RNF10: variants seen among roughly 807,000 people sequenced by gnomAD.
RNF10 encodes ring finger protein 10, also known as E3 ubiquitin-protein ligase RNF10.
A neutral mutation model predicts 91.4 loss-of-function variants in RNF10; 38 were observed. The observed-to-expected ratio is 0.42, with a 90% CI of 0.32 to 0.54. The LOEUF (loss-of-function observed/expected upper bound fraction) is 0.54. Ranked by LOEUF, RNF10 falls within the 20% of genes least tolerant of loss-of-function variation. The pLI is 0.16. For missense variants in RNF10, 945 were observed against 1,012.0 expected (o/e 0.93, Z 0.90); for synonymous variants, 364 against 366.3 (o/e 0.99, Z 0.07).
At chr12:120,569,921 G>A (rs1565971038) in intron 13 of RNF10, among the ~76,000 whole-genome samples, 1 of 151,580 alleles carries the variant, frequency 6.6e-6, no homozygotes, top group Admixed American at 6.6e-5. Flanking sequence ...GATGGAGTCT[G>A]TCTCTCTGTC....
chr12:120,552,410 G>A, intron 2 of RNF10, 89 bp from the exon 3 acceptor site: 3 of 1,076,082 alleles, frequency 2.8e-6, no homozygotes, highest in Non-Finnish European at 2.7e-6. Context: ...AAAAAAAAAA[G>A]CTGTGTAAAA....
In RNF10 at chr12:120,555,707, G is replaced by A. The variant is rs573193650; in HGVS notation, c.645+899G>A. Among the ~76,000 whole-genome samples the A allele has an allele frequency of 2.6e-5, 4 of 151,542 alleles. No homozygotes were observed. In the South Asian group the frequency reaches 6.3e-4, roughly 24 times the overall value. On this transcript the variant is annotated intron_variant, in intron 4 of 16. Coordinates refer to ENST00000325954, the MANE Select transcript of RNF10 (RefSeq NM_014868.5). The stretch of plus-strand genomic sequence containing the variant: ...GATGGGGTTTCTCCATGTTGGTCAG[G>A]CTGGTCTTGAATTCCTGACCTCAGG...
intron 6 of RNF10, among the ~76,000 whole-genome samples, chr12:120,558,671 C>T (rs760832928): frequency 1.3e-4 from 20 of 150,154 alleles, no homozygotes; most frequent in South Asian, 2.1e-4. Flanking sequence ...CGGGTTTGAG[C>T]GATTCTCGTG....
At chr12:120,555,164 AC>A (rs1335192634) in intron 4 of RNF10, among the ~76,000 whole-genome samples, 1 of 152,352 alleles carries the variant, frequency 6.6e-6, no homozygotes, top group East Asian at 1.9e-4. Context: ...GCAGGGAGGC[AC>A]ATGAATGAGC....
At chr12:120,537,242 G>A (rs1323818575) in intron 1 of RNF10, among the ~76,000 whole-genome samples, 2 of 152,036 alleles carry the variant, frequency 1.3e-5, no homozygotes, top group Non-Finnish European at 2.9e-5. Context: ...AAACCCAGAA[G>A]TTCGAGGTTG....
At chr12:120,575,427 T>TACC (rs1877256052) in intron 14 of RNF10, 1 of 595,008 alleles carries the variant, frequency 1.7e-6, no homozygotes, top group South Asian at 2.0e-5. Flanking sequence ...TATGGTTTAC[T>TACC]ACCTTGTGGG....
chr12:120,569,942 G>A (rs1211784351), intron 13 of RNF10, among the ~76,000 whole-genome samples: 1 of 152,190 alleles, frequency 6.6e-6, no homozygotes, highest in East Asian at 1.9e-4. Context: ...GCCCGGGCTG[G>A]AGTGCAGTGG....
chr12:120,549,739 C>G (rs1193823558), intron 2 of RNF10, among the ~76,000 whole-genome samples: 1 of 152,028 alleles, frequency 6.6e-6, no homozygotes, highest in African/African-American at 2.4e-5. Flanking sequence ...GACCTGAGAT[C>G]GCACCACTGC....
At chr12:120,571,996 C>T (rs1016658226) in intron 14 of RNF10, among the ~76,000 whole-genome samples, 1 of 151,874 alleles carries the variant, frequency 6.6e-6, no homozygotes, top group Non-Finnish European at 1.5e-5. Flanking sequence ...GACAGCTTGA[C>T]ATGTGCCCTT....
chr12:120,535,068 T>C, intron 1 of RNF10, 100 bp downstream of exon 1: 1 of 1,293,618 alleles, frequency 7.7e-7, no homozygotes, highest in African/African-American at 1.5e-5. Context: ...AGGCTCCACT[T>C]TCTTTTATAG....
intron 14 of RNF10, among the ~76,000 whole-genome samples, chr12:120,572,811 G>C (rs1268003849): frequency 1.3e-5 from 2 of 151,472 alleles, no homozygotes; most frequent in Non-Finnish European, 2.9e-5. Flanking sequence ...ATGTTGGCCA[G>C]GCTGGTCTAG....
chr12:120,537,167 G>A (rs925313415), intron 1 of RNF10, among the ~76,000 whole-genome samples: 9 of 151,842 alleles, frequency 5.9e-5, no homozygotes, highest in African/African-American at 1.9e-4. Context: ...TGAGCCGGGC[G>A]TGGTGGCACG....
rs1402466249 is a variant in RNF10 at position 120,534,912 on chromosome 12, A to T, written c.101A>T (p.Gln34Leu). The T allele has an allele frequency of 3.1e-6, 5 of 1,607,108 alleles. No individual in the cohort carries two copies. Among genetic ancestry groups the T allele is most frequent in the Non-Finnish European group, 4.2e-6 (5 of 1,179,478 alleles). ...GCCTCTTCGGGCAGCAGCAAAGGGC[A>T]ACAGCCGCCCCGCTCCGCCTCGGCG... is the stretch of plus-strand genomic sequence containing the variant. ...SSASSGSSKG[Q>L]QPPRSASAGP... The change falls in exon 1 of 17, where the codon CAA (glutamine) becomes CTA (leucine). Residue 34 changes from glutamine (Q) to leucine (L), a missense_variant. Coordinates refer to ENST00000325954, the MANE Select transcript of RNF10 (RefSeq NM_014868.5).
chr12:120,551,697 T>C (rs1873114051), intron 2 of RNF10, among the ~76,000 whole-genome samples: 1 of 152,066 alleles, frequency 6.6e-6, no homozygotes, highest in East Asian at 1.9e-4. Context: ...TTTGCAGGTG[T>C]ATCATAGTGC....
chr12:120,557,681 A>T lies in RNF10; in HGVS notation c.966A>T (p.Gly322=), dbSNP rs1313587374. ...ATGTAGACCATCCCATTCATCTAGG[A>T]GGTGAGTTCTTTAAATTTTGGGGAC... ...WMNVDHPIHL[G]DEQHSQYSKL... The change falls in exon 6 of 17, where the codon GGA becomes GGT. Residue 322 remains glycine (G), a splice_region_variant and synonymous_variant. Transcript: ENST00000325954. 1 of 1,613,986 alleles carries T rather than the reference A, an allele frequency of 6.2e-7. No individual in the cohort carries two copies. The highest frequency in any genetic ancestry group is 1.3e-5 in the African/African-American group (1 of 74,906).
intron 2 of RNF10, among the ~76,000 whole-genome samples, chr12:120,551,626 T>C (rs1873106448): frequency 6.6e-6 from 1 of 151,884 alleles, no homozygotes; most frequent in Non-Finnish European, 1.5e-5. Context: ...TTTTAAATTT[T>C]AGATTTTATT....
At chr12:120,548,916 C>G (rs1345169243) in intron 2 of RNF10, among the ~76,000 whole-genome samples, 1 of 151,990 alleles carries the variant, frequency 6.6e-6, no homozygotes, top group African/African-American at 2.4e-5. Context: ...GTGATCCGCC[C>G]GCTTCGGCCT....
At position 120,571,206 on chromosome 12, in the gene RNF10, C is replaced by G; in HGVS notation, c.2057C>G (p.Pro686Arg). Residue 686 changes from proline to arginine, a missense_variant, in exon 14 of 17, where the codon CCT (proline) becomes CGT (arginine). Physicochemically the swap from Pro to Arg is moderately radical, Grantham distance 103. Coordinates refer to ENST00000325954, the MANE Select transcript of RNF10 (RefSeq NM_014868.5). ...PGSHADFLLTPLSPTASQGSP... is the reference protein window; with the variant it reads ...PGSHADFLLTRLSPTASQGSP... ...TCCCTTTCAGACTTTCTGCTGACCCCTCTGTCACCCACTGCCAGTCAGGGC... is the reference window on the plus strand; with the variant it reads ...TCCCTTTCAGACTTTCTGCTGACCCGTCTGTCACCCACTGCCAGTCAGGGC... The G allele has an allele frequency of 1.2e-6, 2 of 1,613,768 alleles. No homozygotes were observed. The highest frequency in any genetic ancestry group is 1.7e-6 in the Non-Finnish European group (2 of 1,179,788).
Position 120,576,925 on chromosome 12 carries a change from T to C in RNF10, c.*259T>C. The stretch of plus-strand genomic sequence containing the variant: ...CAAGGTTTTTAGTTCATTGCCAGTT[T>C]AGTCTTTTTGACCCATGTGTAATTA... On this transcript the variant is annotated 3_prime_UTR_variant, in exon 17 of 17. Transcript: ENST00000325954. 1 of 430,102 alleles carries C rather than the reference T, an allele frequency of 2.3e-6. No homozygotes were observed. The highest frequency in any genetic ancestry group is 2.2e-5 in the South Asian group (1 of 45,122). The allele number at this position is 430,102 out of a possible 1,614,324, so 26.6% of individuals were successfully genotyped here.
Sources: gnomAD v4.1 joint callset for allele counts (sites outside exome capture counted in the v4.1 genomes callset) on GRCh38, gnomAD v4.1.1 for gene constraint, MANE v1.5 for transcripts, NCBI Gene and HGNC (gene_info 2026-07-23, HGNC 2026-07-21) for gene names.